BMPR1B: variants seen among roughly 807,000 people sequenced by gnomAD.
BMPR1B encodes the protein bone morphogenetic protein receptor type-1B.
Under a neutral mutation model 59.1 loss-of-function variants are expected in BMPR1B, and 12 were observed. The observed-to-expected ratio is 0.20, with a 90% CI of 0.13 to 0.33. BMPR1B has a LOEUF of 0.33. Among genes scored for constraint, BMPR1B ranks in the 10% least tolerant of loss-of-function variants. The probability of loss-of-function intolerance (pLI) is 1.00; values close to 1 mark genes in which losing one functional copy is unlikely to be tolerated. For missense variants in BMPR1B, 550 were observed against 610.9 expected (o/e 0.90, Z 1.05); for synonymous variants, 237 against 207.3 (o/e 1.14, Z -1.23).
chr4:95,034,894 C>A (rs1725126141), intron 3 of BMPR1B, among the ~76,000 whole-genome samples: 1 of 152,092 alleles, frequency 6.6e-6, no homozygotes, highest in African/African-American at 2.4e-5. Context: ...ACATTCTCAC[C>A]AGCAGTATAC....
At chr4:95,051,589 C>A in intron 3 of BMPR1B, 2 of 1,007,990 alleles carry the variant, frequency 2.0e-6, no homozygotes, top group South Asian at 1.5e-5. Flanking sequence ...TGCTGGCAGG[C>A]TTGCGAGAAG....
At chr4:95,065,484 G>A (rs1013136962) in intron 3 of BMPR1B, among the ~76,000 whole-genome samples, 21 of 152,082 alleles carry the variant, frequency 1.4e-4, no homozygotes, top group Admixed American at 1.2e-3. Context: ...ATATTCATAG[G>A]CGTGATAATC....
At chr4:94,871,205 T>C (rs1394022565) in intron 1 of BMPR1B, among the ~76,000 whole-genome samples, 1 of 152,180 alleles carries the variant, frequency 6.6e-6, no homozygotes, top group East Asian at 1.9e-4. Context: ...CTCCAAGACC[T>C]GTTTCTTTGC....
At chr4:94,979,274 G>A (rs2099996) in intron 2 of BMPR1B, among the ~76,000 whole-genome samples, 145,518 of 152,276 alleles carry the variant, frequency 0.96, 69,558 homozygotes, top group Middle Eastern at 0.99. Flanking sequence ...TTTGTATCCA[G>A]TCTTTACAGG....
intron 3 of BMPR1B, among the ~76,000 whole-genome samples, chr4:95,018,543 A>G (rs1463543907): frequency 2.6e-5 from 4 of 152,122 alleles, no homozygotes; most frequent in South Asian, 4.1e-4. Flanking sequence ...CAGATCTGTA[A>G]TTTATAATGT....
At chr4:94,937,739 G>GACAC (rs1729373840) in intron 2 of BMPR1B, among the ~76,000 whole-genome samples, 1 of 112,798 alleles carries the variant, frequency 8.9e-6, no homozygotes, top group Non-Finnish European at 1.9e-5. Flanking sequence ...CACACACACA[G>GACAC]ACACACACAA....
In BMPR1B at chr4:95,049,419, GTTTTTTTTTTTTTT is replaced by G. The variant is rs761496965; in HGVS notation, c.-18+53323_-18+53336del. On this transcript the variant is annotated intron_variant, in intron 3 of 12. Coordinates refer to ENST00000515059, the MANE Select transcript of BMPR1B (RefSeq NM_001203.3). Reference sequence around the variant, plus strand: ...ACGAGCCAATGTGCCCAGCATAAAAGTTTTTTTTTTTTTTTTTTTTTTTTTTTTTTTTTTTTTTT... The same window carrying G: ...ACGAGCCAATGTGCCCAGCATAAAAGTTTTTTTTTTTTTTTTTTTTTTTTT... Among the ~76,000 whole-genome samples, 228 of 77,386 alleles carry G rather than the reference GTTTTTTTTTTTTTT, an allele frequency of 2.9e-3. 2 individuals carry two copies. Among genetic ancestry groups the G allele is most frequent in the African/African-American group, 0.01 (196 of 19,314 alleles). The allele number at this position is 77,386 out of a possible 152,430, so 50.8% of individuals were successfully genotyped here.
chr4:94,978,863 G>A (rs1219490413), intron 2 of BMPR1B, among the ~76,000 whole-genome samples: 2 of 151,844 alleles, frequency 1.3e-5, no homozygotes, highest in African/African-American at 2.4e-5. Flanking sequence ...ACATGGCTGG[G>A]GAGGCCTCAC....
chr4:94,898,915 A>G (rs73836186), intron 2 of BMPR1B, among the ~76,000 whole-genome samples: 7,463 of 152,156 alleles, frequency 0.049, 449 homozygotes, highest in African/African-American at 0.14. Context: ...GCTGTTACAA[A>G]TTACACAAAT....
intron 1 of BMPR1B, among the ~76,000 whole-genome samples, chr4:94,841,778 C>T (rs1725095240): frequency 6.6e-6 from 1 of 152,164 alleles, no homozygotes; most frequent in Non-Finnish European, 1.5e-5. Flanking sequence ...CATCTTGGCT[C>T]CTCCCCCAGT....
chr4:94,858,050 A>G (rs1234561218), intron 1 of BMPR1B, among the ~76,000 whole-genome samples: 1 of 151,890 alleles, frequency 6.6e-6, no homozygotes, highest in Non-Finnish European at 1.5e-5. Flanking sequence ...GGTTCACGCC[A>G]TTCTCCTGCC....
intron 1 of BMPR1B, among the ~76,000 whole-genome samples, chr4:94,846,211 G>A (rs1725319951): frequency 6.6e-6 from 1 of 152,168 alleles, no homozygotes; most frequent in East Asian, 1.9e-4. Context: ...ACACATTGGG[G>A]AAAAGCCAGT....
At chr4:94,786,562 G>C (rs1315017028) in intron 1 of BMPR1B, among the ~76,000 whole-genome samples, 38 of 151,842 alleles carry the variant, frequency 2.5e-4, no homozygotes, top group Non-Finnish European at 3.2e-4. Flanking sequence ...TTTTTGAGAC[G>C]GAGTCTCGCT....
intron 1 of BMPR1B, among the ~76,000 whole-genome samples, chr4:94,852,835 A>G (rs1479813891): frequency 6.6e-6 from 1 of 152,110 alleles, no homozygotes; most frequent in Non-Finnish European, 1.5e-5. Context: ...GAAGAAACAT[A>G]TTTCTGTTCT....
rs7670449 is a variant in BMPR1B at position 94,803,035 on chromosome 4, G to A, written c.-183+44967G>A. Among the ~76,000 whole-genome samples the A allele has an allele frequency of 7.8e-3, 1,190 of 152,182 alleles. 16 individuals are homozygous for A. The highest frequency in any genetic ancestry group is 0.027 in the African/African-American group (1,121 of 41,500). On this transcript the variant is annotated intron_variant, in intron 1 of 12. Coordinates refer to ENST00000515059, the MANE Select transcript of BMPR1B (RefSeq NM_001203.3). ...CTTGTTCTCCTAGTTGCTGAATGCC[G>A]TATTGACCTCCAGTGCTCATGGTTG...
chr4:94,903,259 C>G (rs1312808943), intron 2 of BMPR1B, among the ~76,000 whole-genome samples: 6 of 151,776 alleles, frequency 4.0e-5, no homozygotes, highest in African/African-American at 1.5e-4. Flanking sequence ...TCAATTTAAC[C>G]CCTTACCCCC....
At position 95,156,556 on chromosome 4, in the gene BMPR1B, C is replaced by T. The variant is rs966908799; in HGVS notation, c.*1883C>T. 1 of 151,864 alleles carries T rather than the reference C, an allele frequency of 6.6e-6. No individual in the cohort carries two copies. The highest frequency in any genetic ancestry group is 2.4e-5 in the African/African-American group (1 of 41,350). 9.4% of individuals were successfully genotyped at this position (151,864 alleles called of 1,614,324 possible). A position where few individuals can be genotyped will look rare whatever the true frequency, so the allele number is the denominator to read the frequency against. ...AGCTGTGCTTACAGTTTGGGAGAATCATGAAGATTCTTTCTATATTTTGCA... is the reference window on the plus strand; with the variant it reads ...AGCTGTGCTTACAGTTTGGGAGAATTATGAAGATTCTTTCTATATTTTGCA... On this transcript the variant is annotated 3_prime_UTR_variant, in exon 13 of 13. Coordinates refer to ENST00000515059, the MANE Select transcript of BMPR1B (RefSeq NM_001203.3).
intron 1 of BMPR1B, among the ~76,000 whole-genome samples, chr4:94,873,157 A>G (rs1726569765): frequency 1.3e-5 from 2 of 151,976 alleles, no homozygotes. Context: ...TCCGGTCCAT[A>G]TGGCCAGAGC....
At chr4:95,045,926 G>A (rs34745188) in intron 3 of BMPR1B, among the ~76,000 whole-genome samples, 41,290 of 152,090 alleles carry the variant, frequency 0.27, 6,467 homozygotes, top group South Asian at 0.44. Context: ...GGGAGTTTCT[G>A]TGTGAAAATG....
Sources: gnomAD v4.1 joint callset for allele counts (sites outside exome capture counted in the v4.1 genomes callset) on GRCh38, gnomAD v4.1.1 for gene constraint, MANE v1.5 for transcripts, NCBI Gene and HGNC (gene_info 2026-07-23, HGNC 2026-07-21) for gene names.